Variants in TENM2 observed in about 807,000 individuals in gnomAD.
TENM2 encodes teneurin-2.
Under a neutral mutation model 245.2 loss-of-function variants are expected in TENM2, and 52 were observed. That is an observed-to-expected ratio of 0.21 (90% CI 0.17 to 0.27). The LOEUF (loss-of-function observed/expected upper bound fraction) is 0.27. Ranked by LOEUF, TENM2 falls within the 10% of genes least tolerant of loss-of-function variation. The probability of loss-of-function intolerance (pLI) is 1.00; values close to 1 mark genes in which losing one functional copy is unlikely to be tolerated. For synonymous variants in TENM2, 1,363 were observed against 1,438.9 expected (o/e 0.95, Z 1.19); for missense variants, 3,046 against 3,666.8 (o/e 0.83, Z 4.37).
chr5:168,014,054 T>A (rs1019654629), intron 5 of TENM2, among the ~76,000 whole-genome samples: 9 of 152,208 alleles, frequency 5.9e-5, no homozygotes, highest in Non-Finnish European at 1.0e-4. Flanking sequence ...TCATCTTAAC[T>A]TGATTATCTG....
At chr5:168,004,516 C>CGT (rs1359263331) in intron 5 of TENM2, among the ~76,000 whole-genome samples, 18 of 78,182 alleles carry the variant, frequency 2.3e-4, no homozygotes, top group African/African-American at 9.9e-4. Context: ...TGCGCGCGCG[C>CGT]GCACACACAC....
chr5:167,262,373 G>A, the TENM2 span, among the ~76,000 whole-genome samples: 4 of 147,942 alleles, frequency 2.7e-5, no homozygotes, highest in East Asian at 8.1e-4. Flanking sequence ...AAAAAAAAAA[G>A]AGGATTATCA....
chr5:167,120,224 G>A, the TENM2 span, among the ~76,000 whole-genome samples: 1 of 152,138 alleles, frequency 6.6e-6, no homozygotes, highest in East Asian at 1.9e-4. Context: ...TTTTGGTAGG[G>A]GAGTGATATG....
intron 25 of TENM2, among the ~76,000 whole-genome samples, chr5:168,240,188 C>G (rs1765957897): frequency 6.6e-6 from 1 of 152,212 alleles, no homozygotes; most frequent in African/African-American, 2.4e-5. Flanking sequence ...CCACTGCACT[C>G]CAGCCTGGAT....
chr5:167,804,311 C>T (rs1334933268), intron 2 of TENM2, among the ~76,000 whole-genome samples: 1 of 151,846 alleles, frequency 6.6e-6, no homozygotes, highest in African/African-American at 2.4e-5. Context: ...AAAAGATAAC[C>T]CTTTCTTGCC....
At chr5:167,654,242 C>A (rs1288762755) in intron 2 of TENM2, among the ~76,000 whole-genome samples, 1 of 151,968 alleles carries the variant, frequency 6.6e-6, no homozygotes, top group Non-Finnish European at 1.5e-5. Context: ...GGTAAACTTG[C>A]CTCCTACCAG....
rs911273518 is a variant in TENM2 at position 167,635,676 on chromosome 5, G to C, written c.503-240310G>C. On this transcript the variant is annotated intron_variant, in intron 2 of 28. Coordinates refer to ENST00000518659, the Ensembl canonical transcript of TENM2. ...TTTTTTTTTTTTGAGACGGAGTCTC[G>C]CTCTGTCGCCCAGGATGGAGTGCAA... Among the ~76,000 whole-genome samples the C allele has an allele frequency of 6.5e-4, 63 of 96,696 alleles. No homozygotes were observed. The East Asian group carries it at 0.011, about 17-fold the overall frequency. 63.4% of individuals were successfully genotyped at this position (96,696 alleles called of 152,430 possible). A position where few individuals can be genotyped will look rare whatever the true frequency, so the allele number is the denominator to read the frequency against.
chr5:167,122,784 A>G, the TENM2 span, among the ~76,000 whole-genome samples: 2 of 152,168 alleles, frequency 1.3e-5, no homozygotes, highest in African/African-American at 4.8e-5. Flanking sequence ...GGCAGCTTTC[A>G]TCCTGAAAGG....
intron 3 of TENM2, among the ~76,000 whole-genome samples, chr5:167,881,400 G>A (rs749779205): frequency 2.6e-5 from 4 of 152,100 alleles, no homozygotes; most frequent in Non-Finnish European, 5.9e-5. Flanking sequence ...CCTCCTCCCA[G>A]CTTCACTCCG....
At chr5:167,555,431 G>T (rs1773206209) in intron 2 of TENM2, among the ~76,000 whole-genome samples, 2 of 149,626 alleles carry the variant, frequency 1.3e-5, no homozygotes, top group Admixed American at 7.1e-5. Context: ...ACTCAAACTT[G>T]GTTGGATACC....
intron 4 of TENM2, among the ~76,000 whole-genome samples, chr5:167,977,311 C>T (rs1204344219): frequency 2.0e-5 from 3 of 152,050 alleles, no homozygotes; most frequent in Non-Finnish European, 4.4e-5. Flanking sequence ...TACACATGTA[C>T]CCCTCAACCT....
intron 5 of TENM2, among the ~76,000 whole-genome samples, chr5:168,001,561 A>C (rs1352323668): frequency 6.6e-6 from 1 of 152,216 alleles, no homozygotes; most frequent in Non-Finnish European, 1.5e-5. Context: ...TCTGTACACA[A>C]CCCACACAGA....
the TENM2 span, among the ~76,000 whole-genome samples, chr5:167,128,216 A>C: frequency 6.6e-6 from 1 of 152,184 alleles, no homozygotes; most frequent in Non-Finnish European, 1.5e-5. Context: ...ATCCTTAATA[A>C]AAATGAAAAG....
chr5:168,255,494 C>T (rs180990037), intron 27 of TENM2, among the ~76,000 whole-genome samples: 29 of 152,138 alleles, frequency 1.9e-4, no homozygotes, highest in Admixed American at 1.1e-3. Context: ...TTAGTAGAGA[C>T]GGGCTTTCAC....
Position 167,774,188 on chromosome 5 carries a change from G to C in TENM2, c.503-101798G>C, listed in dbSNP as rs1413158550. Among the ~76,000 whole-genome samples the C allele has an allele frequency of 8.4e-5, 11 of 131,694 alleles. No homozygotes were observed. In the Admixed American group the frequency reaches 8.9e-4, roughly 11 times the overall value. The allele number at this position is 131,694 out of a possible 152,430, so 86.4% of individuals were successfully genotyped here. On this transcript the variant is annotated intron_variant, in intron 2 of 28. Transcript: ENST00000518659. Reference sequence around the variant, plus strand: ...AGGAAGGAAGGAAGGAAAGAAGGGAGGGAGGGAAGGAGGAAGGGAGGGAGG... The same window carrying C: ...AGGAAGGAAGGAAGGAAAGAAGGGACGGAGGGAAGGAGGAAGGGAGGGAGG...
At chr5:167,246,288 C>T in the TENM2 span, among the ~76,000 whole-genome samples, 2 of 151,968 alleles carry the variant, frequency 1.3e-5, no homozygotes, top group African/African-American at 2.4e-5. Context: ...AGTGGGCTAC[C>T]GCATTTATGT....
At chr5:167,751,109 G>A (rs376672925) in intron 2 of TENM2, among the ~76,000 whole-genome samples, 4 of 152,242 alleles carry the variant, frequency 2.6e-5, no homozygotes, top group African/African-American at 7.2e-5. Flanking sequence ...GGGTTGCCAG[G>A]GTGGAGAGAG....
At chr5:167,495,687 A>G (rs538604089) in intron 2 of TENM2, among the ~76,000 whole-genome samples, 1 of 152,148 alleles carries the variant, frequency 6.6e-6, no homozygotes, top group South Asian at 2.1e-4. Flanking sequence ...GAGGACCAGT[A>G]TCTCTGCAGT....
At chr5:167,757,415 A>T (rs1311683437) in intron 2 of TENM2, among the ~76,000 whole-genome samples, 1 of 152,198 alleles carries the variant, frequency 6.6e-6, no homozygotes, top group Non-Finnish European at 1.5e-5. Context: ...TGCAAGGGAC[A>T]TGAACTCATT....
Sources: allele counts gnomAD v4.1 joint callset (sites outside exome capture counted in the v4.1 genomes callset), GRCh38; gene constraint gnomAD v4.1.1; transcripts MANE v1.5; gene names NCBI Gene and HGNC (gene_info 2026-07-23, HGNC 2026-07-21).